The following DPP6 variants were observed in gnomAD, a reference collection of about 807,000 sequenced individuals.
DPP6 encodes dipeptidyl peptidase like 6.
In DPP6, 69 loss-of-function variants were observed where a neutral mutation model predicts 122.6. The ratio of observed to expected loss-of-function variants is 0.56; its 90% confidence interval spans 0.46 to 0.69. The LOEUF is 0.69. Ranked by LOEUF, DPP6 falls within the 30% of genes least tolerant of loss-of-function variation. The pLI is 0.00. For synonymous variants in DPP6, 418 were observed against 433.1 expected (o/e 0.97, Z 0.43); for missense variants, 928 against 1,116.9 (o/e 0.83, Z 2.41).
intron 1 of DPP6, among the ~76,000 whole-genome samples, chr7:153,916,452 C>T (rs1800327729): frequency 1.4e-5 from 2 of 143,744 alleles, no homozygotes; most frequent in Admixed American, 1.4e-4. Flanking sequence ...ATCTCTGTCA[C>T]CCAGACTGGA....
At chr7:154,664,842 AT>A (rs948396791) in intron 6 of DPP6, among the ~76,000 whole-genome samples, 2 of 152,268 alleles carry the variant, frequency 1.3e-5, no homozygotes, top group East Asian at 1.9e-4. Context: ...GTGCAAAAAA[AT>A]CTCCCATATT....
intron 8 of DPP6, among the ~76,000 whole-genome samples, chr7:154,768,865 T>C (rs1287483880): frequency 6.6e-6 from 1 of 152,160 alleles, no homozygotes; most frequent in African/African-American, 2.4e-5. Flanking sequence ...CTTGCACCCT[T>C]TGTGTGCTGC....
intron 17 of DPP6, among the ~76,000 whole-genome samples, chr7:154,861,029 G>A (rs1451646336): frequency 6.6e-6 from 1 of 152,216 alleles, no homozygotes; most frequent in African/African-American, 2.4e-5. Context: ...AAGCAGCCTG[G>A]TGCCTAACTT....
chr7:154,501,968 G>A (rs1036664791), intron 3 of DPP6, among the ~76,000 whole-genome samples: 3 of 152,136 alleles, frequency 2.0e-5, no homozygotes, highest in Non-Finnish European at 4.4e-5. Flanking sequence ...AAAACCATAA[G>A]AACCCACCTC....
rs1204484692 is a variant in DPP6 at position 154,893,479 on chromosome 7, A to C, written c.*999A>C. 1 of 129,846 alleles carries C rather than the reference A, an allele frequency of 7.7e-6. No homozygotes were observed. Among genetic ancestry groups the C allele is most frequent in the African/African-American group, 2.7e-5 (1 of 37,594 alleles). The allele number at this position is 129,846 out of a possible 1,614,324, so 8.0% of individuals were successfully genotyped here. On this transcript the variant is annotated 3_prime_UTR_variant, in exon 26 of 26. Coordinates refer to ENST00000377770, the MANE Select transcript of DPP6 (RefSeq NM_130797.4). ...AAAAAAAAAAAAAAAAAAAAAAAAA[A>C]ACAGAAAAAAGACAAAGCGTCAACT...
At chr7:153,898,139 A>G (rs746163796) in intron 1 of DPP6, among the ~76,000 whole-genome samples, 4 of 152,154 alleles carry the variant, frequency 2.6e-5, no homozygotes, top group Non-Finnish European at 5.9e-5. Context: ...AATTACTAAT[A>G]ATTTATTGTA....
At chr7:154,306,217 G>A (rs925915367) in intron 1 of DPP6, among the ~76,000 whole-genome samples, 2 of 152,198 alleles carry the variant, frequency 1.3e-5, no homozygotes, top group African/African-American at 4.8e-5. Context: ...ACATGGCACA[G>A]GGCGGCCGCT....
chr7:154,509,675 C>T (rs1418810745), intron 3 of DPP6, among the ~76,000 whole-genome samples: 2 of 152,144 alleles, frequency 1.3e-5, no homozygotes, highest in African/African-American at 4.8e-5. Context: ...ACTAATTACA[C>T]TAATGTTTGT....
At chr7:154,220,743 T>C (rs1800257377) in intron 1 of DPP6, among the ~76,000 whole-genome samples, 1 of 152,178 alleles carries the variant, frequency 6.6e-6, no homozygotes, top group South Asian at 2.1e-4. Flanking sequence ...TTCAGGTATG[T>C]TGTTATAGCA....
chr7:153,895,860 C>G (rs1158261678), intron 1 of DPP6, among the ~76,000 whole-genome samples: 1 of 152,160 alleles, frequency 6.6e-6, no homozygotes, highest in African/African-American at 2.4e-5. Flanking sequence ...ATCACTTTGA[C>G]TGCTTGGCTT....
intron 5 of DPP6, among the ~76,000 whole-genome samples, chr7:154,621,448 A>C: frequency 6.6e-6 from 1 of 152,196 alleles, no homozygotes; most frequent in Non-Finnish European, 1.5e-5. Flanking sequence ...AGCTCACTGC[A>C]ACCTCCGCCT....
the DPP6 span, among the ~76,000 whole-genome samples, chr7:153,866,014 G>A: frequency 1.5e-4 from 23 of 152,012 alleles, no homozygotes; most frequent in Middle Eastern, 3.2e-3. Context: ...AGTATTTCAT[G>A]GTGTATATGT....
chr7:154,099,140 C>T (rs914389465), intron 1 of DPP6, among the ~76,000 whole-genome samples: 2 of 147,750 alleles, frequency 1.4e-5, no homozygotes, highest in Non-Finnish European at 3.0e-5. Context: ...GATAGGGGCT[C>T]ATATGACTCA....
At chr7:153,971,553 T>C (rs1461548093) in intron 1 of DPP6, among the ~76,000 whole-genome samples, 1 of 132,998 alleles carries the variant, frequency 7.5e-6, no homozygotes, top group Non-Finnish European at 1.7e-5. Context: ...GTATGTTACT[T>C]GTCAGTTTCT....
intron 3 of DPP6, 134 bp downstream of exon 3, chr7:154,475,171 G>T (rs1822621455): frequency 1.4e-6 from 1 of 721,482 alleles, no homozygotes; most frequent in Non-Finnish European, 2.5e-6. Context: ...AGCTTTTGCT[G>T]TAGTCATCAT....
intron 16 of DPP6, among the ~76,000 whole-genome samples, chr7:154,827,471 C>T (rs1176334758): frequency 6.6e-6 from 1 of 152,042 alleles, no homozygotes; most frequent in African/African-American, 2.4e-5. Context: ...AGGCATCTGC[C>T]CGCCTGGGAG....
At chr7:153,798,408 C>T in the DPP6 span, among the ~76,000 whole-genome samples, 1 of 152,186 alleles carries the variant, frequency 6.6e-6, no homozygotes, top group African/African-American at 2.4e-5. Context: ...TATTTCTTGT[C>T]CCACTGCCCA....
chr7:154,884,884 TACAC>T (rs960598909), intron 21 of DPP6: 4 of 152,410 alleles, frequency 2.6e-5, no homozygotes, highest in African/African-American at 9.7e-5. Context: ...CACACGTTTA[TACAC>T]ACATATCACA....
intron 13 of DPP6, among the ~76,000 whole-genome samples, chr7:154,801,892 G>A (rs1280103201): frequency 6.6e-6 from 1 of 152,130 alleles, no homozygotes; most frequent in Non-Finnish European, 1.5e-5. Context: ...GGAGTTGGAT[G>A]CAGGTATTAT....
Sources: allele counts gnomAD v4.1 joint callset (sites outside exome capture counted in the v4.1 genomes callset), GRCh38; gene constraint gnomAD v4.1.1; transcripts MANE v1.5; gene names NCBI Gene and HGNC (gene_info 2026-07-23, HGNC 2026-07-21).